Variants in SRGN observed in about 807,000 individuals in gnomAD.
SRGN encodes serglycin, also known as hematopoetic proteoglycan core peptide.
A neutral mutation model predicts 9.5 loss-of-function variants in SRGN; 2 were observed. The ratio of observed to expected loss-of-function variants is 0.21; its 90% CI spans 0.09 to 0.66. The LOEUF is 0.66. Ranked by LOEUF, SRGN falls within the 30% of genes least tolerant of loss-of-function variation. SRGN has a pLI of 0.83. For synonymous variants in SRGN, 59 were observed against 72.3 expected, an observed-to-expected ratio of 0.82 and a Z score of 0.93; for missense variants, 170 against 192.4, an observed-to-expected ratio of 0.88 and a Z score of 0.69.
intron 1 of SRGN, among the ~76,000 whole-genome samples, chr10:69,093,025 A>C (rs1000087624): frequency 6.6e-6 from 1 of 152,158 alleles, no homozygotes; most frequent in Non-Finnish European, 1.5e-5. Flanking sequence ...GTGGTCTTTC[A>C]CCTGGATGCT....
intron 1 of SRGN, among the ~76,000 whole-genome samples, chr10:69,094,629 GT>G (rs1337597413): frequency 4.4e-4 from 67 of 152,086 alleles, no homozygotes; most frequent in African/African-American, 1.5e-3. Flanking sequence ...CAGTCTCGCT[GT>G]GTCACCCAGG....
chr10:69,101,342 A>G (rs893164610), intron 2 of SRGN, among the ~76,000 whole-genome samples: 2 of 151,726 alleles, frequency 1.3e-5, no homozygotes, highest in Admixed American at 6.6e-5. Context: ...CTCCTCCATC[A>G]CCTGTATGAG....
At position 69,090,866 on chromosome 10, in the gene SRGN, G is replaced by C. The variant is rs150907868; in HGVS notation, c.79+2630G>C. Among the ~76,000 whole-genome samples, 460 of 152,252 alleles carry C rather than the reference G, an allele frequency of 3.0e-3. 1 individual carries two copies. The highest frequency in any genetic ancestry group is 0.02 in the Middle Eastern group (6 of 294). On this transcript the variant is annotated intron_variant, in intron 1 of 2. Coordinates refer to ENST00000242465, the MANE Select transcript of SRGN (RefSeq NM_002727.4). ...ATCTATTTAATGTAGGGCTCCAGGG[G>C]ATTTGATGAGGCCTGTGAATCTTCC...
chr10:69,097,478 G>C (rs1222093245), intron 2 of SRGN, among the ~76,000 whole-genome samples: 12 of 137,674 alleles, frequency 8.7e-5, no homozygotes, highest in Middle Eastern at 5.1e-3. Context: ...TCAGGCTGGA[G>C]TGCAGTGGCG....
chr10:69,091,879 C>CAAAAAAAAAAAAAAAAAAAAAAAA (rs1177012248), intron 1 of SRGN, among the ~76,000 whole-genome samples: 7 of 31,770 alleles, frequency 2.2e-4, no homozygotes, highest in Non-Finnish European at 2.4e-4. Flanking sequence ...GACTCTGTCT[C>CAAAAAAAAAAAAAAAAAAAAAAAA]AAAAAAAAAA....
intron 1 of SRGN, among the ~76,000 whole-genome samples, chr10:69,095,655 A>C (rs1189605535): frequency 6.6e-6 from 1 of 152,178 alleles, no homozygotes; most frequent in Non-Finnish European, 1.5e-5. Context: ...TCACGCCTGT[A>C]ATCCTCACAT....
rs899168150 is a variant in SRGN at position 69,104,778 on chromosome 10, T to C, written c.*658T>C. 6.6e-6 allele frequency: 1 copy of C among 152,226 alleles called. No individual in the cohort carries two copies. The highest frequency in any genetic ancestry group is 1.5e-5 in the Non-Finnish European group (1 of 68,042). The allele number at this position is 152,226 out of a possible 1,614,324, so 9.4% of individuals were successfully genotyped here. ...ATATCTGTGTATTTTCAAATGTTAC[T>C]ATATATTAAAGCAGAAATATAACCA... is the stretch of plus-strand genomic sequence containing the variant. On this transcript the variant is annotated 3_prime_UTR_variant, in exon 3 of 3. Transcript: ENST00000242465.
chr10:69,089,168 G>A (rs1220409436), intron 1 of SRGN, among the ~76,000 whole-genome samples: 1 of 152,184 alleles, frequency 6.6e-6, no homozygotes, highest in Non-Finnish European at 1.5e-5. Context: ...CTTACTTCCG[G>A]TGGAGATGAA....
chr10:69,103,727 GAAT>G, intron 2 of SRGN, 141 bp from the exon 3 acceptor site: 1 of 914,228 alleles, frequency 1.1e-6, no homozygotes, highest in Non-Finnish European at 1.6e-6. Context: ...TTAAAACATT[GAAT>G]AATTGGGAAG....
intron 2 of SRGN, among the ~76,000 whole-genome samples, chr10:69,102,193 C>T (rs1840306539): frequency 6.6e-6 from 1 of 152,008 alleles, no homozygotes; most frequent in Non-Finnish European, 1.5e-5. Flanking sequence ...GACCCTGGCT[C>T]TGGCCTGGGC....
chr10:69,089,905 AAG>A (rs561247231), intron 1 of SRGN, among the ~76,000 whole-genome samples: 7 of 151,778 alleles, frequency 4.6e-5, no homozygotes, highest in African/African-American at 1.7e-4. Flanking sequence ...GAAAGAAAGA[AAG>A]AGAGAGAGAG....
At chr10:69,103,160 G>C (rs866349887) in intron 2 of SRGN, among the ~76,000 whole-genome samples, 1 of 152,030 alleles carries the variant, frequency 6.6e-6, no homozygotes, top group Non-Finnish European at 1.5e-5. Context: ...GGCTGGTTTC[G>C]AACTCCTGAC....
upstream of SRGN, among the ~76,000 whole-genome samples, chr10:69,087,619 G>A (rs1165380620): frequency 6.7e-6 from 1 of 150,338 alleles, no homozygotes; most frequent in Non-Finnish European, 1.5e-5. Context: ...GAAGGTTAGA[G>A]CTCAGCTTTG....
At chr10:69,100,716 T>A (rs1589331142) in intron 2 of SRGN, among the ~76,000 whole-genome samples, 1 of 152,118 alleles carries the variant, frequency 6.6e-6, no homozygotes, top group Non-Finnish European at 1.5e-5. Context: ...AACTGACCCC[T>A]GGCGTCTGCA....
chr10:69,089,882 C>A (rs1296641287), intron 1 of SRGN, among the ~76,000 whole-genome samples: 1 of 149,796 alleles, frequency 6.7e-6, no homozygotes. Context: ...GGTGACAGTG[C>A]AAGACTCTGT....
intron 1 of SRGN, among the ~76,000 whole-genome samples, chr10:69,090,591 G>A (rs947915837): frequency 6.6e-6 from 1 of 152,134 alleles, no homozygotes; most frequent in East Asian, 1.9e-4. Flanking sequence ...TCTTCTTAGA[G>A]GGTCACCAGG....
intron 2 of SRGN, among the ~76,000 whole-genome samples, chr10:69,097,520 G>A (rs1196116699): frequency 2.0e-5 from 3 of 147,868 alleles, no homozygotes; most frequent in Non-Finnish European, 4.5e-5. Flanking sequence ...TCCACCTCCT[G>A]GGTTCACGCC....
intron 2 of SRGN, among the ~76,000 whole-genome samples, chr10:69,097,894 C>G (rs1393814708): frequency 6.6e-6 from 1 of 152,176 alleles, no homozygotes; most frequent in Non-Finnish European, 1.5e-5. Flanking sequence ...TCTGTAATTT[C>G]ACAACCTCTT....
intron 1 of SRGN, among the ~76,000 whole-genome samples, chr10:69,093,522 A>T (rs1472646241): frequency 6.6e-6 from 1 of 152,192 alleles, no homozygotes; most frequent in Non-Finnish European, 1.5e-5. Flanking sequence ...CTACAGGAAG[A>T]GACGTCTAAG....
Sources: gnomAD v4.1 joint callset for allele counts (sites outside exome capture counted in the v4.1 genomes callset) on GRCh38, gnomAD v4.1.1 for gene constraint, MANE v1.5 for transcripts, NCBI Gene and HGNC (gene_info 2026-07-23, HGNC 2026-07-21) for gene names.